Variants in PHKA1 observed in about 807,000 individuals in gnomAD.
The protein encoded by PHKA1 is phosphorylase kinase regulatory subunit alpha 1.
PHKA1 carries 60 observed loss-of-function variants against 110.2 expected under a neutral mutation model. That is an observed-to-expected ratio of 0.54 (90% CI 0.44 to 0.68). The LOEUF (loss-of-function observed/expected upper bound fraction) is 0.68. Ranked by LOEUF, PHKA1 falls within the 30% of genes least tolerant of loss-of-function variation. PHKA1 has a pLI of 0.00. For synonymous variants in PHKA1, 316 were observed against 333.6 expected (o/e 0.95, Z 0.58); for missense variants, 801 against 942.5 (o/e 0.85, Z 1.97).
At chrX:72,637,500 G>A (rs1411717317) in intron 14 of PHKA1, among the ~76,000 whole-genome samples, 1 of 111,600 alleles carries the variant, frequency 9.0e-6, no homozygotes, top group Non-Finnish European at 1.9e-5. Context: ...GGCTATTGTG[G>A]GCAATGCTGC....
At position 72,693,715 on chromosome X, in the gene PHKA1, C is replaced by T. The variant is rs1359537731; in HGVS notation, c.454+1993G>A. Among the ~76,000 whole-genome samples the T allele has an allele frequency of 4.5e-5, 5 of 111,824 alleles. No individual in the cohort carries two copies. In the East Asian group the frequency reaches 1.4e-3, roughly 31 times the overall value. The stretch of plus-strand genomic sequence containing the variant: ...TGTCAGCTATTCTTGCCTGAACTAG[C>T]TTTTGCAACATGGAGCTGGAGAGGA... On this transcript the variant is annotated intron_variant, in intron 4 of 31. Coordinates refer to ENST00000373542, the MANE Select transcript of PHKA1 (RefSeq NM_002637.4).
In PHKA1 at chrX:72,609,736, G is replaced by A. The variant is rs1424123760; in HGVS notation, c.2527-33C>T. On this transcript the variant is annotated intron_variant, in intron 22 of 31. Transcript: ENST00000373542. ...GAGATAGCATAATATTATCGTTTCT[G>A]TAACACCTCAGGTTTCCACAAACAT... 4.0e-6 allele frequency: 4 copies of A among 1,012,239 alleles called. No homozygotes were observed. The African/African-American group carries it at 5.6e-5, about 14-fold the overall frequency. 83.4% of individuals were successfully genotyped at this position (1,012,239 alleles called of 1,213,427 possible). A position where few individuals can be genotyped will look rare whatever the true frequency, so the allele number is the denominator to read the frequency against.
At chrX:72,616,002 C>T (rs782209892) in intron 21 of PHKA1, among the ~76,000 whole-genome samples, 2 of 111,763 alleles carry the variant, frequency 1.8e-5, no homozygotes, top group African/African-American at 3.3e-5. Flanking sequence ...TAAAAGTGAG[C>T]GGATGGAAAA....
At chrX:72,625,389 G>C (rs782557054) in intron 17 of PHKA1, among the ~76,000 whole-genome samples, 1 of 111,627 alleles carries the variant, frequency 9.0e-6, no homozygotes, top group Non-Finnish European at 1.9e-5. Context: ...GTGTTAATTT[G>C]CTTAGGATAA....
intron 3 of PHKA1, among the ~76,000 whole-genome samples, chrX:72,699,872 A>T (rs1287259425): frequency 8.9e-6 from 1 of 111,996 alleles, no homozygotes; most frequent in Admixed American, 9.5e-5. Context: ...TGAGCCAGGG[A>T]CTATCGTGGA....
intron 28 of PHKA1, among the ~76,000 whole-genome samples, chrX:72,597,411 T>C (rs1378939265): frequency 8.9e-6 from 1 of 111,818 alleles, no homozygotes; most frequent in Non-Finnish European, 1.9e-5. Flanking sequence ...TTAGGTTCCT[T>C]GGTTGGCAAT....
At chrX:72,608,753 G>A (rs2052765818) in intron 23 of PHKA1, among the ~76,000 whole-genome samples, 1 of 110,940 alleles carries the variant, frequency 9.0e-6, no homozygotes. Context: ...AACATGCTCT[G>A]GATAGAGTTT....
intron 16 of PHKA1, among the ~76,000 whole-genome samples, chrX:72,629,099 T>C (rs782036666): frequency 1.4e-4 from 16 of 111,641 alleles, no homozygotes; most frequent in African/African-American, 5.2e-4. Context: ...AATCTGGTTA[T>C]TCATTTACAT....
rs782006498 is a variant in PHKA1, at chrX:72,684,583, G to A, written c.455-3C>T. 9.0e-6 allele frequency: 10 copies of A among 1,108,284 alleles called. No individual in the cohort carries two copies. The South Asian group carries it at 1.8e-4, about 20-fold the overall frequency. 91.3% of individuals were successfully genotyped at this position (1,108,284 alleles called of 1,213,427 possible). A position where few individuals can be genotyped will look rare whatever the true frequency, so the allele number is the denominator to read the frequency against. On this transcript the variant is annotated splice_region_variant and splice_polypyrimidine_tract_variant and intron_variant, in intron 4 of 31. Transcript: ENST00000373542. ...TAGGCTGTGGATGATATGGAGTCCT[G>A]AGGAAAGAGGGAATAAAGATACAGA...
chrX:72,623,726 C>G (rs990120422), intron 17 of PHKA1, among the ~76,000 whole-genome samples: 1 of 111,264 alleles, frequency 9.0e-6, no homozygotes, highest in Non-Finnish European at 1.9e-5. Flanking sequence ...TAAGCCATAT[C>G]GTCTCCTACT....
At chrX:72,637,441 A>G (rs2053243237) in intron 14 of PHKA1, among the ~76,000 whole-genome samples, 1 of 111,999 alleles carries the variant, frequency 8.9e-6, no homozygotes. Context: ...TATACATTGC[A>G]TATTGTTTAT....
intron 13 of PHKA1, among the ~76,000 whole-genome samples, chrX:72,649,506 C>T (rs2053402080): frequency 9.0e-6 from 1 of 111,698 alleles, no homozygotes; most frequent in African/African-American, 3.3e-5. Context: ...GAATTCTTAA[C>T]ATGTTTATAG....
chrX:72,620,917 G>A lies in PHKA1; in HGVS notation c.1961-16C>T, dbSNP rs2052969448. 8.3e-7 allele frequency: 1 copy of A among 1,204,765 alleles called. No homozygotes were observed. Among genetic ancestry groups the A allele is most frequent in the African/African-American group, 1.8e-5 (1 of 56,812 alleles). ...CCACAGCGAGCTGCAAGGTTAGTGG[G>A]GGGAGGGGGAAGAGAAAAGAATGAA... On this transcript the variant is annotated splice_polypyrimidine_tract_variant and intron_variant, in intron 18 of 31. Transcript: ENST00000373542.
chrX:72,635,340 C>G, intron 15 of PHKA1, 41 bp from the exon 16 acceptor site: 1 of 1,121,807 alleles, frequency 8.9e-7, no homozygotes, highest in Non-Finnish European at 1.2e-6. Context: ...AATTTACTCT[C>G]ACAATTATCA....
chrX:72,632,468 A>G (rs1281615531), intron 16 of PHKA1, among the ~76,000 whole-genome samples: 3 of 111,741 alleles, frequency 2.7e-5, no homozygotes, highest in African/African-American at 9.7e-5. Context: ...TGATATTAAT[A>G]CTGCGACCAC....
intron 5 of PHKA1, among the ~76,000 whole-genome samples, chrX:72,682,085 T>C (rs1275322263): frequency 1.5e-4 from 2 of 13,774 alleles, no homozygotes; most frequent in African/African-American, 3.3e-4. Context: ...GTGGGGGGGG[T>C]CGGCCCCCCG....
At chrX:72,593,325 T>C (rs782449910) in intron 28 of PHKA1, 51 bp from the exon 29 acceptor site, 8 of 990,370 alleles carry the variant, frequency 8.1e-6, no homozygotes, top group Non-Finnish European at 1.1e-5. Flanking sequence ...TCTGTTTCTA[T>C]GATGAAGTCT....
In PHKA1 at chrX:72,615,490, A is replaced by G. The variant is rs782182455; in HGVS notation, c.2369+3220T>C. On this transcript the variant is annotated intron_variant, in intron 21 of 31. Transcript: ENST00000373542. ...TAAATTGTGACATCAAAAACTCAAA[A>G]TGTTGGGAGGTTGAGTTAAAGAGAT... Among the ~76,000 whole-genome samples the G allele has an allele frequency of 3.6e-5, 4 of 110,614 alleles. No homozygotes were observed. The East Asian group carries it at 1.1e-3, about 31-fold the overall frequency.
At chrX:72,680,473 A>C (rs2053834624) in intron 5 of PHKA1, among the ~76,000 whole-genome samples, 1 of 113,333 alleles carries the variant, frequency 8.8e-6, no homozygotes, top group South Asian at 3.6e-4. Flanking sequence ...CTGCCATCAT[A>C]AAATTCTAAA....
Sources: gnomAD v4.1 joint callset for allele counts (sites outside exome capture counted in the v4.1 genomes callset) on GRCh38, gnomAD v4.1.1 for gene constraint, MANE v1.5 for transcripts, NCBI Gene and HGNC (gene_info 2026-07-23, HGNC 2026-07-21) for gene names.